SPATA22: variants seen among roughly 807,000 people sequenced by gnomAD.
SPATA22 encodes spermatogenesis-associated protein 22.
Under a neutral mutation model 47.8 loss-of-function variants are expected in SPATA22, and 29 were observed. That is an observed-to-expected ratio of 0.61 (90% confidence interval 0.45 to 0.83). SPATA22 has a LOEUF of 0.83. Ranked by LOEUF, SPATA22 falls within the 40% of genes least tolerant of loss-of-function variation. The probability of loss-of-function intolerance (pLI) is 0.00; values close to 1 mark genes in which losing one functional copy is unlikely to be tolerated. For synonymous variants in SPATA22, 133 were observed against 140.9 expected, an observed-to-expected ratio of 0.94 and a Z score of 0.40; for missense variants, 410 against 421.7, an observed-to-expected ratio of 0.97 and a Z score of 0.24.
intron 1 of SPATA22, among the ~76,000 whole-genome samples, chr17:3,510,282 G>A: frequency 6.6e-6 from 1 of 152,152 alleles, no homozygotes; most frequent in East Asian, 1.9e-4. Context: ...GCTGCTGAGT[G>A]GTTCGAATTG....
intron 1 of SPATA22, chr17:3,500,914 T>C (rs112522909): frequency 1.3e-5 from 2 of 150,872 alleles, no homozygotes; most frequent in Non-Finnish European, 2.9e-5. Flanking sequence ...TGGTTTACTG[T>C]ATATTTTAAG....
chr17:3,444,684 G>A (rs908288910), intron 7 of SPATA22, among the ~76,000 whole-genome samples: 2 of 151,960 alleles, frequency 1.3e-5, no homozygotes, highest in Non-Finnish European at 2.9e-5. Context: ...TTTCAGTTGC[G>A]TGAATAATTC....
At chr17:3,468,885 A>T in intron 2 of SPATA22, 1 of 946,118 alleles carries the variant, frequency 1.1e-6, no homozygotes, top group Non-Finnish European at 1.3e-6. Flanking sequence ...CATCCTTGCC[A>T]TCTGTCTTTA....
rs143527575 is a variant in SPATA22, at chr17:3,492,581, G to A, written c.-74+20831C>T. On this transcript the variant is annotated intron_variant, in intron 1 of 8. Coordinates refer to the SPATA22 transcript ENST00000541913. Reference sequence around the variant, plus strand: ...GGCTTGCCCATGTGAATTGTTTTGTGCCATAGAAGAGGCTTGAAAAGCACT... The same window carrying A: ...GGCTTGCCCATGTGAATTGTTTTGTACCATAGAAGAGGCTTGAAAAGCACT... Among the ~76,000 whole-genome samples the A allele has an allele frequency of 9.8e-3, 1,486 of 152,238 alleles. 13 individuals carry two copies. The highest frequency in any genetic ancestry group is 0.013 in the Non-Finnish European group (879 of 68,018).
upstream of SPATA22, chr17:3,474,081 T>C (rs1019660424): frequency 1.3e-5 from 2 of 152,178 alleles, no homozygotes; most frequent in Non-Finnish European, 2.9e-5. Flanking sequence ...TATAAGAGTA[T>C]GAAAAGCCTC....
At position 3,485,526 on chromosome 17, in the gene SPATA22, A is replaced by G. The variant is rs1254784638; in HGVS notation, c.-73-16128T>C. On this transcript the variant is annotated intron_variant, in intron 1 of 8. Coordinates refer to the SPATA22 transcript ENST00000541913. This position sits in a 1 kb window ranked among gnomAD's most constrained non-coding sequence, Gnocchi z 4.4. Reference sequence around the variant, plus strand: ...GAAACTCCGTCTCAAAAAAACAAACAAACAAAAATACTAGCCATCTAACAC... The same window carrying G: ...GAAACTCCGTCTCAAAAAAACAAACGAACAAAAATACTAGCCATCTAACAC... 6.6e-6 allele frequency among the ~76,000 whole-genome samples: 1 copy of G among 152,322 alleles called. No homozygotes were observed. The highest frequency in any genetic ancestry group is 3.4e-3 in the Middle Eastern group (1 of 294).
At chr17:3,484,602 T>C (rs1025135874) in intron 1 of SPATA22, among the ~76,000 whole-genome samples, 3 of 152,240 alleles carry the variant, frequency 2.0e-5, no homozygotes, top group Admixed American at 2.0e-4. Context: ...TGAAAGGCCA[T>C]TGCTGATTTC....
At chr17:3,495,727 C>G (rs754850224) in intron 1 of SPATA22, among the ~76,000 whole-genome samples, 82 of 152,126 alleles carry the variant, frequency 5.4e-4, no homozygotes, top group Non-Finnish European at 9.7e-4. Context: ...CGTCACCACA[C>G]CCGGCTAACT....
At chr17:3,470,469 G>T (rs923382586) in intron 1 of SPATA22, among the ~76,000 whole-genome samples, 6 of 152,228 alleles carry the variant, frequency 3.9e-5, no homozygotes. Context: ...TGGGAAACAG[G>T]CCGGGTGCAG....
intron 1 of SPATA22, chr17:3,510,446 G>A (rs778293444): frequency 5.9e-5 from 9 of 152,182 alleles, no homozygotes; most frequent in Non-Finnish European, 1.2e-4. Context: ...CAACACTCTA[G>A]GGTTTCTAGT....
intron 5 of SPATA22, among the ~76,000 whole-genome samples, chr17:3,452,048 AG>A (rs1325337468): frequency 6.6e-5 from 10 of 152,116 alleles, no homozygotes; most frequent in African/African-American, 2.4e-4. Context: ...GAATTAAAAA[AG>A]AAAATCTTAA....
At chr17:3,476,175 A>G (rs1407260281), upstream of SPATA22, 2 of 1,613,838 alleles carry the variant, frequency 1.2e-6, no homozygotes, top group Non-Finnish European at 1.7e-6. Context: ...TTCTTGTCAC[A>G]TTGCTGAAGA....
At chr17:3,463,142 G>A (rs2073167736) in intron 3 of SPATA22, among the ~76,000 whole-genome samples, 1 of 152,194 alleles carries the variant, frequency 6.6e-6, no homozygotes, top group African/African-American at 2.4e-5. Flanking sequence ...ATATATGTGT[G>A]AGACAGAGAT....
chr17:3,486,864 C>T (rs990385113), intron 1 of SPATA22, among the ~76,000 whole-genome samples: 1 of 152,068 alleles, frequency 6.6e-6, no homozygotes, highest in African/African-American at 2.4e-5. Context: ...ATTAATTTTT[C>T]GATACAAGAT....
intron 1 of SPATA22, among the ~76,000 whole-genome samples, chr17:3,505,644 C>T (rs1597455724): frequency 6.6e-6 from 1 of 152,264 alleles, no homozygotes; most frequent in East Asian, 1.9e-4. Flanking sequence ...CATGGATGTT[C>T]CAGGGCAGCA....
At chr17:3,442,812 T>C (rs1237374423) in intron 8 of SPATA22, among the ~76,000 whole-genome samples, 4 of 151,952 alleles carry the variant, frequency 2.6e-5, no homozygotes, top group Non-Finnish European at 4.4e-5. Flanking sequence ...TTTGAAAATC[T>C]TTCCCTGATC....
At chr17:3,473,641 G>A (rs2073480594), upstream of SPATA22, among the ~76,000 whole-genome samples, 1 of 152,154 alleles carries the variant, frequency 6.6e-6, no homozygotes, top group Non-Finnish European at 1.5e-5. Flanking sequence ...TAGGATTACA[G>A]GCACCCGCCA....
At chr17:3,440,451 C>T (rs574853973) in intron 8 of SPATA22, 113 bp from the exon 9 acceptor site, 1 of 865,910 alleles carries the variant, frequency 1.2e-6, no homozygotes, top group Admixed American at 3.2e-5. Flanking sequence ...GCTATAATTC[C>T]TTCACGTGAG....
intron 1 of SPATA22, among the ~76,000 whole-genome samples, chr17:3,508,087 C>G (rs892233243): frequency 6.6e-5 from 10 of 152,140 alleles, no homozygotes; most frequent in Non-Finnish European, 1.2e-4. Context: ...AATAATTCAC[C>G]AAATGCAGTA....
Sources: gnomAD v4.1 joint callset for allele counts (sites outside exome capture counted in the v4.1 genomes callset) on GRCh38, gnomAD v4.1.1 for gene constraint, Gnocchi (gnomAD v3.1) non-coding constraint, MANE v1.5 for transcripts, NCBI Gene and HGNC (gene_info 2026-07-23, HGNC 2026-07-21) for gene names.